DNER: variants seen among roughly 807,000 people sequenced by gnomAD.
DNER encodes delta/notch like EGF repeat containing.
In DNER, 33 loss-of-function variants were observed where a neutral mutation model predicts 78.2. That is an observed-to-expected ratio of 0.42 (90% CI 0.32 to 0.56). The LOEUF is 0.56. DNER is among the 20% of genes least tolerant of loss of function. The pLI, the probability that DNER is intolerant of heterozygous loss-of-function variation, is 0.11. For synonymous variants in DNER, 417 were observed against 384.8 expected, an observed-to-expected ratio of 1.08 and a Z score of -0.98; for missense variants, 918 against 975.3, an observed-to-expected ratio of 0.94 and a Z score of 0.78.
At position 229,468,640 on chromosome 2, in the gene DNER, CAG is replaced by C. The variant is rs879838168; in HGVS notation, c.1261+8498_1261+8499del. Among the ~76,000 whole-genome samples the C allele has an allele frequency of 5.9e-5, 9 of 152,184 alleles. No individual in the cohort carries two copies. In the East Asian group the frequency reaches 1.7e-3, roughly 29 times the overall value. The stretch of plus-strand genomic sequence containing the variant: ...TTAAAAACTCTGATCCCCGAAATAT[CAG>C]AGATACTGAATTGAGTAATAATAAA... On this transcript the variant is annotated intron_variant, in intron 7 of 12. Coordinates refer to ENST00000341772, the MANE Select transcript of DNER (RefSeq NM_139072.4).
At position 229,684,101 on chromosome 2, in the gene DNER, A is replaced by AGTGT. The variant is rs377602119; in HGVS notation, c.276+30043_276+30046dup. ...GAGAACAGGAGATAGTACCTACCAGAGTGTGTGTGTGTGTGTGTGTGTTTG... is the reference window on the plus strand; with the variant it reads ...GAGAACAGGAGATAGTACCTACCAGAGTGTGTGTGTGTGTGTGTGTGTGTGTTTG... On this transcript the variant is annotated intron_variant, in intron 1 of 12. Coordinates refer to ENST00000341772, the MANE Select transcript of DNER (RefSeq NM_139072.4). Among the ~76,000 whole-genome samples the AGTGT allele has an allele frequency of 2.7e-3, 347 of 129,838 alleles. 2 individuals are homozygous for AGTGT. Among genetic ancestry groups the AGTGT allele is most frequent in the South Asian group, 4.3e-3 (16 of 3,700 alleles). 85.2% of individuals were successfully genotyped at this position (129,838 alleles called of 152,430 possible).
chr2:229,602,184 C>G (rs1161000795), intron 1 of DNER, among the ~76,000 whole-genome samples: 4 of 152,126 alleles, frequency 2.6e-5, no homozygotes, highest in Admixed American at 2.6e-4. Flanking sequence ...CTCTTTCGTA[C>G]TCAGGAAAAG....
In DNER at chr2:229,487,461, C is replaced by T. The variant is rs369496013; in HGVS notation, c.1148-10208G>A. Among the ~76,000 whole-genome samples, 3 of 152,300 alleles carry T rather than the reference C, an allele frequency of 2.0e-5. No individual in the cohort carries two copies. In the South Asian group the frequency reaches 6.2e-4, roughly 32 times the overall value. On this transcript the variant is annotated intron_variant, in intron 6 of 12. Transcript: ENST00000341772. ...TTCCGAAGAGGAAGATAATTCAATA[C>T]TTAGAATTCAATACCTCAAAGGGGA...
At chr2:229,475,081 TAGCC>T (rs1695002769) in intron 7 of DNER, among the ~76,000 whole-genome samples, 3 of 152,242 alleles carry the variant, frequency 2.0e-5, no homozygotes, top group African/African-American at 7.2e-5. Context: ...ATTCAGCACT[TAGCC>T]AGGCACTGTG....
intron 1 of DNER, among the ~76,000 whole-genome samples, chr2:229,646,292 G>GA (rs1371960470): frequency 1.3e-5 from 2 of 151,930 alleles, no homozygotes; most frequent in East Asian, 1.9e-4. Context: ...GGATTGCCAA[G>GA]AAAAAAATGT....
At chr2:229,646,485 C>G (rs532401191) in intron 1 of DNER, among the ~76,000 whole-genome samples, 1 of 152,332 alleles carries the variant, frequency 6.6e-6, no homozygotes, top group African/African-American at 2.4e-5. Context: ...GTACATTATG[C>G]TTGTGTATGC....
intron 1 of DNER, among the ~76,000 whole-genome samples, chr2:229,668,532 GTGTGTATATATATATATATATATATATA>G (rs1274325650): frequency 2.9e-4 from 1 of 3,416 alleles, no homozygotes; most frequent in African/African-American, 3.9e-4. Flanking sequence ...GTGTGTGTGT[GTGTGTATATATATATATATATATATATA>G]TATATATATA....
At chr2:229,670,519 G>A (rs2154216813) in intron 1 of DNER, among the ~76,000 whole-genome samples, 1 of 152,300 alleles carries the variant, frequency 6.6e-6, no homozygotes, top group Non-Finnish European at 1.5e-5. Flanking sequence ...TTTTCCTTGG[G>A]GTTCTCCATG....
At chr2:229,437,112 C>G (rs181086793) in intron 8 of DNER, among the ~76,000 whole-genome samples, 24 of 152,234 alleles carry the variant, frequency 1.6e-4, no homozygotes, top group Admixed American at 1.1e-3. Flanking sequence ...ATCTACCAAA[C>G]AAACAGAAAA....
At chr2:229,378,655 T>C (rs1692663851) in intron 11 of DNER, among the ~76,000 whole-genome samples, 1 of 152,198 alleles carries the variant, frequency 6.6e-6, no homozygotes, top group Non-Finnish European at 1.5e-5. Context: ...TGTTTAGATC[T>C]ACTGACTAGA....
At chr2:229,601,651 A>G (rs1470675208) in intron 1 of DNER, among the ~76,000 whole-genome samples, 2 of 152,224 alleles carry the variant, frequency 1.3e-5, no homozygotes, top group African/African-American at 4.8e-5. Flanking sequence ...GTAGGCTAAA[A>G]GGAAATTATA....
intron 10 of DNER, among the ~76,000 whole-genome samples, chr2:229,403,975 TAA>T (rs1574827981): frequency 1.3e-5 from 2 of 152,146 alleles, no homozygotes; most frequent in East Asian, 3.9e-4. Context: ...GTGTTTTAGG[TAA>T]AGAGTGATAA....
intron 12 of DNER, among the ~76,000 whole-genome samples, chr2:229,359,059 C>T (rs1444472723): frequency 2.6e-5 from 4 of 152,266 alleles, no homozygotes; most frequent in Non-Finnish European, 5.9e-5. Context: ...CAGTCTTCCC[C>T]GGGCCATGGA....
At chr2:229,638,528 A>C (rs990013068) in intron 1 of DNER, among the ~76,000 whole-genome samples, 2 of 152,160 alleles carry the variant, frequency 1.3e-5, no homozygotes, top group Non-Finnish European at 2.9e-5. Context: ...TTGGTGCACA[A>C]ATCTCCTTTT....
At chr2:229,463,472 G>A (rs867072125) in intron 7 of DNER, among the ~76,000 whole-genome samples, 5 of 152,036 alleles carry the variant, frequency 3.3e-5, no homozygotes, top group Admixed American at 2.0e-4. Context: ...ATGGGGTCTC[G>A]CTTTGTCTCC....
chr2:229,398,015 A>G (rs896344052), intron 10 of DNER, among the ~76,000 whole-genome samples: 2 of 152,132 alleles, frequency 1.3e-5, no homozygotes, highest in East Asian at 1.9e-4. Flanking sequence ...GAAGAAAATC[A>G]TAGACATAAG....
intron 7 of DNER, among the ~76,000 whole-genome samples, chr2:229,474,130 T>A (rs546584973): frequency 1.3e-5 from 2 of 152,324 alleles, no homozygotes; most frequent in African/African-American, 4.8e-5. Flanking sequence ...GGTCTTGTAC[T>A]CCTGGCCTGC....
chr2:229,701,217 T>G (rs767915964), intron 1 of DNER, among the ~76,000 whole-genome samples: 5 of 152,200 alleles, frequency 3.3e-5, no homozygotes, highest in African/African-American at 9.7e-5. Context: ...AAAGGACCCA[T>G]GAAGATGCAA....
intron 10 of DNER, among the ~76,000 whole-genome samples, chr2:229,389,641 C>A (rs556541443): frequency 6.6e-6 from 1 of 152,258 alleles, no homozygotes; most frequent in Non-Finnish European, 1.5e-5. Context: ...ATTTAATTAG[C>A]ATTAAATTGC....
Sources: allele counts gnomAD v4.1 joint callset (sites outside exome capture counted in the v4.1 genomes callset), GRCh38; gene constraint gnomAD v4.1.1; transcripts MANE v1.5; gene names NCBI Gene and HGNC (gene_info 2026-07-23, HGNC 2026-07-21).